The following KAZN variants were observed in gnomAD, a reference collection of about 807,000 sequenced individuals.
The protein encoded by KAZN is kazrin, periplakin interacting protein.
KAZN carries 40 observed loss-of-function variants against 87.4 expected under a neutral mutation model. The ratio of observed to expected loss-of-function variants is 0.46; its 90% confidence interval spans 0.36 to 0.60. The LOEUF (loss-of-function observed/expected upper bound fraction) is 0.60, where lower values mean the gene tolerates loss of function less well. KAZN is among the 20% of genes least tolerant of loss of function. KAZN has a pLI of 0.00. For synonymous variants in KAZN, 466 were observed against 458.3 expected, an observed-to-expected ratio of 1.02 and a Z score of -0.22; for missense variants, 898 against 1,073.9, an observed-to-expected ratio of 0.84 and a Z score of 2.29.
intron 2 of KAZN, among the ~76,000 whole-genome samples, chr1:14,263,864 T>C (rs916409116): frequency 1.7e-4 from 26 of 152,240 alleles, no homozygotes; most frequent in Admixed American, 1.2e-3. Context: ...TTTATCACCA[T>C]CTTTGAAGTT....
intron 1 of KAZN, among the ~76,000 whole-genome samples, chr1:14,808,268 T>C (rs1455732494): frequency 1.3e-5 from 2 of 150,664 alleles, no homozygotes; most frequent in African/African-American, 2.4e-5. Flanking sequence ...GCAGGAGACA[T>C]TGTTCCAGAT....
At chr1:14,193,167 C>T (rs1646456812) in intron 2 of KAZN, among the ~76,000 whole-genome samples, 1 of 152,134 alleles carries the variant, frequency 6.6e-6, no homozygotes, top group Admixed American at 6.5e-5. Flanking sequence ...CTTCACCTTC[C>T]ACCATGATTG....
At chr1:14,644,659 C>G (rs1413059566) in intron 1 of KAZN, among the ~76,000 whole-genome samples, 1 of 152,184 alleles carries the variant, frequency 6.6e-6, no homozygotes, top group Non-Finnish European at 1.5e-5. Flanking sequence ...CCGTGCCGGG[C>G]CTTCTCTTGT....
chr1:14,294,419 A>C (rs1370869125), intron 2 of KAZN, among the ~76,000 whole-genome samples: 1 of 152,054 alleles, frequency 6.6e-6, no homozygotes, highest in Non-Finnish European at 1.5e-5. Context: ...TGGTTGGTAC[A>C]TGCCATATGC....
At chr1:14,647,405 C>T (rs1379324442) in intron 1 of KAZN, among the ~76,000 whole-genome samples, 1 of 152,158 alleles carries the variant, frequency 6.6e-6, no homozygotes, top group Non-Finnish European at 1.5e-5. Context: ...TTCTAAAGAG[C>T]TTTGCCTATT....
intron 2 of KAZN, among the ~76,000 whole-genome samples, chr1:14,478,326 G>A (rs148589503): frequency 7.3e-5 from 11 of 151,722 alleles, no homozygotes; most frequent in Non-Finnish European, 1.2e-4. Flanking sequence ...TAGAAGGAAG[G>A]AAGGAAGGAA....
intron 1 of KAZN, among the ~76,000 whole-genome samples, chr1:14,117,395 GT>G (rs1254062355): frequency 2.6e-5 from 4 of 152,280 alleles, no homozygotes; most frequent in African/African-American, 7.2e-5. Context: ...AGCTTCTTCT[GT>G]TGACTGCTGC....
At position 15,104,169 on chromosome 1, in the gene KAZN, C is replaced by A; in HGVS notation, c.2028C>A (p.Ser676Arg). Residue 676 changes from serine (S) to arginine (R), a missense_variant, in exon 13 of 15, where the codon AGC (serine) becomes AGA (arginine). Coordinates refer to ENST00000376030, the MANE Select transcript of KAZN (RefSeq NM_201628.3). ...GGAGACACCTGGCAGAGGAGATGAG[C>A]GCCGTCTTCCACCCAGCCAAGTGAG... is the stretch of plus-strand genomic sequence containing the variant. Reference protein sequence around the residue: ...ILRRHLAEEMSAVFHPANSTG... With the variant: ...ILRRHLAEEMRAVFHPANSTG... 6.3e-7 allele frequency: 1 copy of A among 1,589,286 alleles called. No homozygotes were observed. The highest frequency in any genetic ancestry group is 8.6e-7 in the Non-Finnish European group (1 of 1,168,410).
intron 1 of KAZN, among the ~76,000 whole-genome samples, chr1:14,150,385 T>C (rs1156818628): frequency 1.3e-5 from 2 of 152,218 alleles, no homozygotes; most frequent in Non-Finnish European, 2.9e-5. Context: ...GTAGAAGGGT[T>C]CCAGAAACAG....
intron 1 of KAZN, among the ~76,000 whole-genome samples, chr1:13,900,105 G>A (rs1200295043): frequency 6.6e-6 from 1 of 152,172 alleles, no homozygotes; most frequent in African/African-American, 2.4e-5. Context: ...AAGCAAAATT[G>A]CGGTTATGTT....
At chr1:14,508,730 TTA>T (rs1670745476) in intron 2 of KAZN, among the ~76,000 whole-genome samples, 1 of 152,170 alleles carries the variant, frequency 6.6e-6, no homozygotes, top group Non-Finnish European at 1.5e-5. Flanking sequence ...ATAAGAGTAA[TTA>T]TGTTTGCTCT....
intron 1 of KAZN, among the ~76,000 whole-genome samples, chr1:14,782,063 G>C (rs376417207): frequency 1.3e-5 from 2 of 152,288 alleles, no homozygotes; most frequent in East Asian, 3.9e-4. Context: ...CTTTTGTAAA[G>C]GTTTACAATA....
intron 2 of KAZN, among the ~76,000 whole-genome samples, chr1:14,288,644 G>A (rs1205693513): frequency 2.0e-5 from 3 of 152,098 alleles, no homozygotes; most frequent in Non-Finnish European, 4.4e-5. Flanking sequence ...TGGATACATT[G>A]ATTATTTGAA....
chr1:14,278,197 T>A (rs1571207455), intron 2 of KAZN, among the ~76,000 whole-genome samples: 2 of 145,596 alleles, frequency 1.4e-5, no homozygotes, highest in African/African-American at 5.1e-5. Context: ...AAAACAGAGA[T>A]GCCAGGAAAT....
intron 2 of KAZN, among the ~76,000 whole-genome samples, chr1:14,398,364 C>T (rs1663077733): frequency 6.6e-6 from 1 of 152,210 alleles, no homozygotes; most frequent in Non-Finnish European, 1.5e-5. Flanking sequence ...GGGCAAGGCA[C>T]CTCAATTTCC....
At chr1:14,850,580 C>T (rs1277208153) in intron 1 of KAZN, among the ~76,000 whole-genome samples, 1 of 152,198 alleles carries the variant, frequency 6.6e-6, no homozygotes, top group Non-Finnish European at 1.5e-5. Flanking sequence ...CACCACCTTC[C>T]ACCTCACTGC....
chr1:14,206,003 C>T (rs1646736593), intron 2 of KAZN, among the ~76,000 whole-genome samples: 1 of 150,824 alleles, frequency 6.6e-6, no homozygotes, highest in Admixed American at 6.6e-5. Context: ...CACATGTACC[C>T]TAAAACTTAA....
intron 4 of KAZN, among the ~76,000 whole-genome samples, chr1:15,049,046 C>G (rs1482563292): frequency 1.3e-5 from 2 of 152,236 alleles, no homozygotes; most frequent in Non-Finnish European, 2.9e-5. Flanking sequence ...TGTATTCTTA[C>G]GGTTTCGGAG....
chr1:14,592,331 T>C (rs1676251577), intron 2 of KAZN, among the ~76,000 whole-genome samples: 1 of 152,126 alleles, frequency 6.6e-6, no homozygotes, highest in South Asian at 2.1e-4. Context: ...TCACAGCCAC[T>C]CCTGAGGCTC....
Sources: allele counts gnomAD v4.1 joint callset (sites outside exome capture counted in the v4.1 genomes callset), GRCh38; gene constraint gnomAD v4.1.1; transcripts MANE v1.5; gene names NCBI Gene and HGNC (gene_info 2026-07-23, HGNC 2026-07-21).